Variants in GPR137B observed in about 807,000 individuals in gnomAD.
GPR137B encodes G protein-coupled receptor 137B, also known as integral membrane protein GPR137B.
A neutral mutation model predicts 42.5 loss-of-function variants in GPR137B; 42 were observed. That is an observed-to-expected ratio of 0.99 (90% CI 0.77 to 1.28). The LOEUF is 1.28. Among genes scored for constraint, GPR137B ranks in the 50% most tolerant of loss-of-function variants. The pLI is 0.00. For missense variants in GPR137B, 487 were observed against 493.9 expected (o/e 0.99, Z 0.13); for synonymous variants, 218 against 209.7 (o/e 1.04, Z -0.34).
intron 2 of GPR137B, among the ~76,000 whole-genome samples, chr1:236,169,172 C>CTGCAGGTGCAGGTGCAGG (rs879888159): frequency 6.1e-4 from 91 of 148,810 alleles, no homozygotes; most frequent in African/African-American, 2.1e-3. Context: ...CATGCTCCCA[C>CTGCAGGTGCAGGTGCAGG]TGCAGGTGCA....
chr1:236,176,168 C>T (rs968942140), intron 2 of GPR137B, among the ~76,000 whole-genome samples: 4 of 152,068 alleles, frequency 2.6e-5, no homozygotes, highest in African/African-American at 9.7e-5. Context: ...GGGCCTGTGA[C>T]ATGAGAGAGT....
At chr1:236,187,752 ATC>A (rs1663075820) in intron 5 of GPR137B, among the ~76,000 whole-genome samples, 1 of 69,134 alleles carries the variant, frequency 1.4e-5, no homozygotes, top group South Asian at 4.2e-4. Context: ...ATAGTTTGAA[ATC>A]AGGTAGCATG....
intron 1 of GPR137B, among the ~76,000 whole-genome samples, chr1:236,151,092 C>G (rs561868571): frequency 2.0e-5 from 3 of 152,168 alleles, no homozygotes; most frequent in Admixed American, 6.5e-5. Context: ...GTTGGCCTTG[C>G]GTTTCCAGTG....
chr1:236,143,237 A>C, intron 1 of GPR137B, among the ~76,000 whole-genome samples: 1 of 152,194 alleles, frequency 6.6e-6, no homozygotes, highest in East Asian at 1.9e-4. Context: ...CCATTCCCAA[A>C]AGGGGCAAGG....
intron 4 of GPR137B, 54 bp downstream of exon 4, chr1:236,180,082 G>A (rs886425944): frequency 2.3e-5 from 34 of 1,501,808 alleles, no homozygotes; most frequent in African/African-American, 4.1e-5. Flanking sequence ...TGGTATCCTC[G>A]AGGCATTGGT....
chr1:236,192,605 C>T (rs12090028), intron 5 of GPR137B, among the ~76,000 whole-genome samples: 2 of 152,056 alleles, frequency 1.3e-5, no homozygotes, highest in African/African-American at 4.8e-5. Context: ...AATTCCCTGA[C>T]TCCTTGCACT....
chr1:236,173,290 CAA>C (rs66639028), intron 2 of GPR137B, among the ~76,000 whole-genome samples: 66 of 86,390 alleles, frequency 7.6e-4, no homozygotes, highest in Non-Finnish European at 8.1e-4. Flanking sequence ...GACCCTGTCT[CAA>C]AAAAAAAAAA....
In GPR137B at chr1:236,179,963, C is replaced by G. The variant is rs778071067; in HGVS notation, c.772C>G (p.Leu258Val). The G allele has an allele frequency of 1.2e-6, 2 of 1,613,018 alleles. No homozygotes were observed. Among genetic ancestry groups the G allele is most frequent in the Non-Finnish European group, 8.5e-7 (1 of 1,179,066 alleles). Residue 258 changes from leucine to valine, a missense_variant, in exon 4 of 7, where the codon CTG (leucine) becomes GTG (valine). Physicochemically the swap from Leu to Val is conservative, Grantham distance 32. Transcript: ENST00000366592. ...TSRACYNLFI[L>V]SFSQNKSVHS... ...TCGGGCCTGCTACAACCTGTTCATC[C>G]TGTCATTTTCTCAGAACAAGAGCGT...
At position 236,150,752 on chromosome 1, in the gene GPR137B, C is replaced by T. The variant is rs1571959275; in HGVS notation, c.414+7716C>T. On this transcript the variant is annotated intron_variant, in intron 1 of 6. Coordinates refer to ENST00000366592, the MANE Select transcript of GPR137B (RefSeq NM_003272.4). This position sits in a 1 kb window ranked among gnomAD's most constrained non-coding sequence, Gnocchi z 6.2. ...ACGGCTTCTTGCTCACCTGCCTTTC[C>T]GTAGTCAGACAGGCAGAACTGGTAG... 1.3e-5 allele frequency among the ~76,000 whole-genome samples: 2 copies of T among 152,176 alleles called. No homozygotes were observed. Among genetic ancestry groups the T allele is most frequent in the South Asian group, 2.1e-4 (1 of 4,830 alleles).
chr1:236,157,442 C>T (rs1011538623), intron 1 of GPR137B, among the ~76,000 whole-genome samples: 10 of 152,234 alleles, frequency 6.6e-5, no homozygotes, highest in African/African-American at 2.4e-4. Context: ...CCAGGATGGT[C>T]TTGATCTCCT....
At chr1:236,205,077 G>C (rs1259283028) in intron 5 of GPR137B, 49 bp from the exon 6 acceptor site, 1 of 1,527,300 alleles carries the variant, frequency 6.5e-7, no homozygotes, top group Non-Finnish European at 9.0e-7. Context: ...TTTGTCTGGT[G>C]CAAGGCATGA....
chr1:236,164,380 T>C (rs1236352309), intron 1 of GPR137B, among the ~76,000 whole-genome samples: 1 of 152,336 alleles, frequency 6.6e-6, no homozygotes, highest in Non-Finnish European at 1.5e-5. Flanking sequence ...GAGGTGCCCG[T>C]GCTGTCAAAG....
chr1:236,206,779 T>C (rs996080253), intron 6 of GPR137B, among the ~76,000 whole-genome samples: 1 of 152,168 alleles, frequency 6.6e-6, no homozygotes, highest in Non-Finnish European at 1.5e-5. Context: ...CATACTCCAC[T>C]ACCCGATGAC....
At chr1:236,180,924 A>AT (rs373411525) in intron 4 of GPR137B, among the ~76,000 whole-genome samples, 43 of 152,260 alleles carry the variant, frequency 2.8e-4, no homozygotes, top group Middle Eastern at 3.4e-3. Flanking sequence ...CCAGTACTTA[A>AT]TTTTTTTAAC....
chr1:236,184,884 A>G (rs1662978172), intron 5 of GPR137B, among the ~76,000 whole-genome samples: 1 of 152,020 alleles, frequency 6.6e-6, no homozygotes. Flanking sequence ...CTCCTGCCTC[A>G]GCCTCCCAAG....
rs60662295 is a variant in GPR137B, at chr1:236,145,723, G to GT, written c.414+2688dup. Among the ~76,000 whole-genome samples, 979 of 152,218 alleles carry GT rather than the reference G, an allele frequency of 6.4e-3. 13 individuals are homozygous for GT. The highest frequency in any genetic ancestry group is 0.022 in the African/African-American group (900 of 41,522). On this transcript the variant is annotated intron_variant, in intron 1 of 6. Transcript: ENST00000366592. The stretch of plus-strand genomic sequence containing the variant: ...CCAGAACTCTCTGAAGAAAGTACCG[G>GT]TATTGTCCCCATTTTCCAGAGGAGG...
Position 236,183,800 on chromosome 1 carries a change from G to T in GPR137B, c.860G>T (p.Gly287Val). 1 of 1,607,318 alleles carries T rather than the reference G, an allele frequency of 6.2e-7. No individual in the cohort carries two copies. Among genetic ancestry groups the T allele is most frequent in the Non-Finnish European group, 8.5e-7 (1 of 1,174,280 alleles). The change falls in exon 5 of 7, where the codon GGA becomes GTA. Residue 287 changes from glycine (G) to valine (V), a missense_variant. Transcript: ENST00000366592. ...SDQADLKNQL[G>V]DAGYVLFGVV... is the part of the protein sequence containing the mutation. Reference sequence around the variant, plus strand: ...CAGGCAGATTTGAAGAATCAGCTGGGAGATGCTGGATACGTATTATTTGGA... The same window carrying T: ...CAGGCAGATTTGAAGAATCAGCTGGTAGATGCTGGATACGTATTATTTGGA...
intron 5 of GPR137B, among the ~76,000 whole-genome samples, chr1:236,194,056 A>G (rs1663270415): frequency 6.6e-6 from 1 of 152,158 alleles, no homozygotes; most frequent in Non-Finnish European, 1.5e-5. Context: ...GAATTTTTTA[A>G]TCTTTTCCTA....
intron 5 of GPR137B, among the ~76,000 whole-genome samples, chr1:236,190,154 T>C (rs903280049): frequency 2.7e-5 from 4 of 148,924 alleles, no homozygotes; most frequent in South Asian, 2.1e-4. Flanking sequence ...TCTTCTTTTT[T>C]TTTTTTTTTT....
Sources: allele counts gnomAD v4.1 joint callset (sites outside exome capture counted in the v4.1 genomes callset), GRCh38; gene constraint gnomAD v4.1.1; non-coding constraint Gnocchi (gnomAD v3.1); transcripts MANE v1.5; gene names NCBI Gene and HGNC (gene_info 2026-07-23, HGNC 2026-07-21).